PDE4D: variants seen among roughly 807,000 people sequenced by gnomAD.
The protein encoded by PDE4D is phosphodiesterase 4D.
A neutral mutation model predicts 87.4 loss-of-function variants in PDE4D; 24 were observed. The ratio of observed to expected loss-of-function variants is 0.27; its 90% confidence interval spans 0.20 to 0.39. The LOEUF is 0.39. Ranked by LOEUF, PDE4D falls within the 10% of genes least tolerant of loss-of-function variation. The pLI is 1.00. For missense variants in PDE4D, 714 were observed against 1,041.0 expected (o/e 0.69, Z 4.32); for synonymous variants, 384 against 383.2 (o/e 1.00, Z -0.02).
intron 1 of PDE4D, among the ~76,000 whole-genome samples, chr5:59,802,743 T>G (rs965905256): frequency 2.0e-5 from 3 of 152,110 alleles, no homozygotes; most frequent in South Asian, 2.1e-4. Context: ...TTTATCAGTA[T>G]GTAAATTGTG....
At chr5:59,671,304 T>G (rs777325283) in intron 1 of PDE4D, among the ~76,000 whole-genome samples, 4 of 152,098 alleles carry the variant, frequency 2.6e-5, no homozygotes, top group Non-Finnish European at 5.9e-5. Flanking sequence ...GATCGCCATT[T>G]GAAAAAAAAT....
intron 1 of PDE4D, among the ~76,000 whole-genome samples, chr5:60,494,547 G>C (rs1749709411): frequency 6.6e-6 from 1 of 152,184 alleles, no homozygotes; most frequent in Admixed American, 6.5e-5. Context: ...TTTGTCTTTA[G>C]AGCCTTTCCT....
chr5:59,771,393 G>T (rs1370353666), intron 1 of PDE4D, among the ~76,000 whole-genome samples: 2 of 148,764 alleles, frequency 1.3e-5, no homozygotes, highest in African/African-American at 2.5e-5. Flanking sequence ...GGGCGACAGA[G>T]CGAGACTCCA....
chr5:59,429,217 T>C (rs955257631), intron 1 of PDE4D, among the ~76,000 whole-genome samples: 2 of 152,224 alleles, frequency 1.3e-5, no homozygotes, highest in African/African-American at 4.8e-5. Flanking sequence ...ATGAGGTAAC[T>C]GACAGCAACT....
chr5:58,988,219 T>G (rs1217671948), intron 11 of PDE4D, among the ~76,000 whole-genome samples: 1 of 152,200 alleles, frequency 6.6e-6, no homozygotes, highest in Non-Finnish European at 1.5e-5. Flanking sequence ...TAAATCTTTC[T>G]GCACACTTTC....
intron 5 of PDE4D, among the ~76,000 whole-genome samples, chr5:59,152,190 C>T (rs1028582770): frequency 6.6e-6 from 1 of 152,044 alleles, no homozygotes; most frequent in Non-Finnish European, 1.5e-5. Context: ...ATAATTTTAC[C>T]TACCTTATGT....
intron 1 of PDE4D, among the ~76,000 whole-genome samples, chr5:60,415,397 C>T (rs564758906): frequency 1.6e-3 from 247 of 152,362 alleles, no homozygotes; most frequent in Non-Finnish European, 2.7e-3. Context: ...CTGTGGGAGC[C>T]CCTTTCTCGG....
intron 2 of PDE4D, among the ~76,000 whole-genome samples, chr5:59,211,632 C>T (rs1257866197): frequency 6.6e-6 from 1 of 151,896 alleles, no homozygotes; most frequent in Non-Finnish European, 1.5e-5. Context: ...TGGACTTTGG[C>T]TTTCTAACCT....
rs183350994 is a variant in PDE4D at position 60,152,334 on chromosome 5, T to C, written c.42+33223A>G. ...AGAGTTTAAGAAGGATTGGTGTTAATTCTTCTTTAAATGTTTGGTAGAATT... is the reference window on the plus strand; with the variant it reads ...AGAGTTTAAGAAGGATTGGTGTTAACTCTTCTTTAAATGTTTGGTAGAATT... On this transcript the variant is annotated intron_variant, in intron 2 of 16. Transcript: ENST00000502484. 2.7e-3 allele frequency among the ~76,000 whole-genome samples: 406 copies of C among 152,292 alleles called. 3 individuals carry two copies. Among genetic ancestry groups the C allele is most frequent in the African/African-American group, 9.4e-3 (391 of 41,562 alleles).
At position 59,287,734 on chromosome 5, in the gene PDE4D, G is replaced by GAGAC. The variant is rs796558336; in HGVS notation, c.456-71770_456-71767dup. 2.7e-3 allele frequency among the ~76,000 whole-genome samples: 411 copies of GAGAC among 151,384 alleles called. 2 individuals are homozygous for GAGAC. The highest frequency in any genetic ancestry group is 3.5e-3 in the East Asian group (18 of 5,096). On this transcript the variant is annotated intron_variant, in intron 1 of 14. Coordinates refer to ENST00000340635, the MANE Select transcript of PDE4D (RefSeq NM_001104631.2). ...AGACACACACAGAGAGAGAGAGAGA[G>GAGAC]AGACAGACAGACAGACAGACAGACT...
intron 2 of PDE4D, among the ~76,000 whole-genome samples, chr5:60,088,637 C>T (rs1774786646): frequency 6.6e-6 from 1 of 151,288 alleles, no homozygotes; most frequent in Non-Finnish European, 1.5e-5. Context: ...GTAGTAACAA[C>T]AAAGCAAAAA....
chr5:58,978,020 C>G (rs1232465087), intron 11 of PDE4D, among the ~76,000 whole-genome samples: 1 of 152,186 alleles, frequency 6.6e-6, no homozygotes, highest in Non-Finnish European at 1.5e-5. Context: ...CTGCCACTCT[C>G]TCCCTACTGC....
At chr5:59,928,624 C>G (rs1755544195) in intron 3 of PDE4D, among the ~76,000 whole-genome samples, 1 of 152,026 alleles carries the variant, frequency 6.6e-6, no homozygotes, top group South Asian at 2.1e-4. Context: ...ACTTACTGGT[C>G]ACCTTCCCCA....
intron 1 of PDE4D, among the ~76,000 whole-genome samples, chr5:59,732,180 T>C (rs1368057891): frequency 6.6e-6 from 1 of 152,140 alleles, no homozygotes; most frequent in Non-Finnish European, 1.5e-5. Context: ...AACCATTTCC[T>C]ATAGTTCTCT....
intron 5 of PDE4D, among the ~76,000 whole-genome samples, chr5:59,089,300 TC>T (rs10707669): frequency 0.93 from 141,788 of 152,192 alleles, 66,194 homozygotes; most frequent in East Asian, 1. Flanking sequence ...CTGATTTCAT[TC>T]AAGATAAGGA....
At chr5:59,832,606 T>C (rs1741423092) in intron 1 of PDE4D, among the ~76,000 whole-genome samples, 1 of 152,072 alleles carries the variant, frequency 6.6e-6, no homozygotes, top group African/African-American at 2.4e-5. Flanking sequence ...TTTGAAACAT[T>C]GTAACAATGA....
At chr5:60,242,787 T>A (rs961104443) in intron 1 of PDE4D, among the ~76,000 whole-genome samples, 7 of 151,838 alleles carry the variant, frequency 4.6e-5, no homozygotes, top group Admixed American at 2.0e-4. Flanking sequence ...AAACAAATGA[T>A]AATGGAAACA....
chr5:60,169,102 C>G (rs1284961181), intron 2 of PDE4D, among the ~76,000 whole-genome samples: 1 of 152,028 alleles, frequency 6.6e-6, no homozygotes, highest in Non-Finnish European at 1.5e-5. Context: ...AGACAGCTTG[C>G]CATGGAGAAT....
At chr5:60,055,325 G>A (rs1367983907) in intron 2 of PDE4D, among the ~76,000 whole-genome samples, 1 of 151,976 alleles carries the variant, frequency 6.6e-6, no homozygotes, top group Admixed American at 6.6e-5. Flanking sequence ...CTTAGCCAAG[G>A]AGCAAGGAAA....
Sources: allele counts gnomAD v4.1 joint callset (sites outside exome capture counted in the v4.1 genomes callset), GRCh38; gene constraint gnomAD v4.1.1; transcripts MANE v1.5; gene names NCBI Gene and HGNC (gene_info 2026-07-23, HGNC 2026-07-21).